The following HECTD2 variants were observed in gnomAD, a reference collection of about 807,000 sequenced individuals.
The protein encoded by HECTD2 is probable E3 ubiquitin-protein ligase HECTD2.
Under a neutral mutation model 103.2 loss-of-function variants are expected in HECTD2, and 35 were observed. The ratio of observed to expected loss-of-function variants is 0.34; its 90% CI spans 0.26 to 0.45. The LOEUF is 0.45. Ranked by LOEUF, HECTD2 falls within the 20% of genes least tolerant of loss-of-function variation. HECTD2 has a pLI of 1.00. For missense variants in HECTD2, 596 were observed against 937.4 expected, an observed-to-expected ratio of 0.64 and a Z score of 4.76; for synonymous variants, 281 against 329.9, an observed-to-expected ratio of 0.85 and a Z score of 1.61.
chr10:91,437,972 A>C (rs1231151339), intron 2 of HECTD2, among the ~76,000 whole-genome samples: 1 of 152,086 alleles, frequency 6.6e-6, no homozygotes, highest in African/African-American at 2.4e-5. Flanking sequence ...ACAATTTATT[A>C]GAGCATAATT....
At chr10:91,422,459 C>G (rs558715123) in intron 1 of HECTD2, among the ~76,000 whole-genome samples, 3 of 152,218 alleles carry the variant, frequency 2.0e-5, no homozygotes, top group African/African-American at 7.2e-5. Context: ...TTATAACTGT[C>G]AAATTTGTGT....
rs1413526987 is a variant in HECTD2 at position 91,461,350 on chromosome 10, A to G, written c.504A>G (p.Ala168=). The G allele has an allele frequency of 2.8e-6, 4 of 1,412,624 alleles. No individual in the cohort carries two copies. Among genetic ancestry groups the G allele is most frequent in the Non-Finnish European group, 2.9e-6 (3 of 1,028,542 alleles). 87.5% of individuals were successfully genotyped at this position (1,412,624 alleles called of 1,614,324 possible). ...ATTCTTTCCCAGAATTAAATGCTGC[A>G]TTTAAGGTAATTATACATAAAACAC... ...TFDSFPELNA[A]FKKDATASFN... The change falls in exon 4 of 21, where the codon GCA becomes GCG. Residue 168 remains alanine (A), a synonymous_variant. Transcript: ENST00000298068.
At chr10:91,429,574 C>T (rs1221366661) in intron 2 of HECTD2, among the ~76,000 whole-genome samples, 2 of 152,160 alleles carry the variant, frequency 1.3e-5, no homozygotes, top group African/African-American at 2.4e-5. Flanking sequence ...TTGGCCTATT[C>T]AGAGATTCAA....
At chr10:91,481,010 A>C in intron 6 of HECTD2, 84 bp from the exon 7 acceptor site, 1 of 813,772 alleles carries the variant, frequency 1.2e-6, no homozygotes, top group African/African-American at 1.8e-5. Flanking sequence ...CTCAGTCTTC[A>C]TAGAAAAGTT....
intron 5 of HECTD2, among the ~76,000 whole-genome samples, chr10:91,471,024 A>G (rs916278203): frequency 8.1e-6 from 1 of 122,932 alleles, no homozygotes; most frequent in Non-Finnish European, 1.5e-5. Context: ...ACACACACAA[A>G]GAAAACCTCA....
chr10:91,424,857 A>G (rs1195226071), intron 1 of HECTD2, among the ~76,000 whole-genome samples: 2 of 152,120 alleles, frequency 1.3e-5, no homozygotes, highest in African/African-American at 4.8e-5. Context: ...CCTTCAGTGA[A>G]TCAGCCTGTA....
chr10:91,423,614 T>C lies in HECTD2; in HGVS notation c.139-1667T>C, dbSNP rs933074145. On this transcript the variant is annotated intron_variant, in intron 1 of 20. Transcript: ENST00000298068. ...CATCTCCATTGCTTGTTAGGTCACTTTAGGTGAGTCTCAGACAGTTCCACT... is the reference window on the plus strand; with the variant it reads ...CATCTCCATTGCTTGTTAGGTCACTCTAGGTGAGTCTCAGACAGTTCCACT... 9.9e-5 allele frequency among the ~76,000 whole-genome samples: 15 copies of C among 152,084 alleles called. 1 individual carries two copies. Among genetic ancestry groups the C allele is most frequent in the Non-Finnish European group, 5.9e-5 (4 of 67,992 alleles).
At chr10:91,426,579 C>A (rs1228202655) in intron 2 of HECTD2, among the ~76,000 whole-genome samples, 1 of 151,736 alleles carries the variant, frequency 6.6e-6, no homozygotes, top group East Asian at 1.9e-4. Flanking sequence ...CACACACACA[C>A]ACACAAGCAC....
chr10:91,459,803 G>A (rs1376473971), intron 2 of HECTD2, among the ~76,000 whole-genome samples: 4 of 151,982 alleles, frequency 2.6e-5, no homozygotes, highest in Non-Finnish European at 4.4e-5. Flanking sequence ...ATTTACATAC[G>A]TTTAAATAAA....
chr10:91,454,046 T>C (rs1844956778), intron 2 of HECTD2, among the ~76,000 whole-genome samples: 1 of 151,038 alleles, frequency 6.6e-6, no homozygotes, highest in South Asian at 2.1e-4. Flanking sequence ...GAAAAACTGG[T>C]AGACCTGAAC....
chr10:91,467,212 A>G (rs1413135989), intron 5 of HECTD2, among the ~76,000 whole-genome samples: 2 of 152,202 alleles, frequency 1.3e-5, no homozygotes, highest in Non-Finnish European at 2.9e-5. Context: ...TCCTGGCAAC[A>G]GGAGATTCCA....
intron 18 of HECTD2, among the ~76,000 whole-genome samples, chr10:91,499,617 T>G (rs1846814744): frequency 6.6e-6 from 1 of 152,200 alleles, no homozygotes. Flanking sequence ...TATGGTGGAC[T>G]CAGTTTGGTC....
At chr10:91,409,988 G>C (rs546568044), upstream of HECTD2, among the ~76,000 whole-genome samples, 21 of 152,284 alleles carry the variant, frequency 1.4e-4, no homozygotes, top group African/African-American at 4.8e-4. Flanking sequence ...TGCAGGGCTC[G>C]ACTTGTCTCC....
At chr10:91,468,873 CTG>C (rs1258837708) in intron 5 of HECTD2, among the ~76,000 whole-genome samples, 1 of 147,022 alleles carries the variant, frequency 6.8e-6, no homozygotes, top group Non-Finnish European at 1.5e-5. Flanking sequence ...GAATTCAAAA[CTG>C]TGGTGAGCTA....
At chr10:91,450,691 C>T (rs7895635) in intron 2 of HECTD2, among the ~76,000 whole-genome samples, 43 of 149,832 alleles carry the variant, frequency 2.9e-4, no homozygotes, top group African/African-American at 1.0e-3. Flanking sequence ...AAAAAAAAAA[C>T]CATCAAAAAG....
rs781552831 is a variant in HECTD2, at chr10:91,484,604, A to G, written c.919A>G (p.Thr307Ala). ...PAKPEEFPPI[T>A]KCSWWIPSAA... ...AAAGCCTGAAGAATTTCCACCTATA[A>G]CAAAGTGTTCCTGGTGGATTCCATC... Residue 307 changes from threonine (T) to alanine (A), a missense_variant, in exon 9 of 21, where the codon ACA (threonine) becomes GCA (alanine). Physicochemically the swap from Thr to Ala is moderately conservative, Grantham distance 58 (BLOSUM62 0). This residue lies in a region of HECTD2 where 303 missense variants were observed against 522.5 expected (regional missense o/e 0.58). Coordinates refer to ENST00000298068, the MANE Select transcript of HECTD2 (RefSeq NM_182765.6). 9.9e-5 allele frequency: 159 copies of G among 1,612,478 alleles called. 3 individuals carry two copies. The South Asian group carries it at 1.7e-3, about 17-fold the overall frequency.
chr10:91,453,120 G>T (rs762424278), intron 2 of HECTD2, among the ~76,000 whole-genome samples: 5 of 152,114 alleles, frequency 3.3e-5, no homozygotes, highest in African/African-American at 4.8e-5. Flanking sequence ...GGTTCTAAAT[G>T]TATGTAAAGG....
In HECTD2 at chr10:91,485,221, A is replaced by C; in HGVS notation, c.1012A>C (p.Thr338Pro). The C allele has an allele frequency of 6.3e-7, 1 of 1,577,518 alleles. No individual in the cohort carries two copies. Among genetic ancestry groups the C allele is most frequent in the Non-Finnish European group, 8.7e-7 (1 of 1,154,962 alleles). ...AGTTCACCCTCCCCTTATTCCTTAT[A>C]CTGATTTCTATAATTCTACATTGGA... ...NLVHPPLIPY[T>P]DFYNSTLDHI... is the part of the protein sequence containing the mutation. Residue 338 changes from threonine to proline, a missense_variant, in exon 10 of 21, where the codon ACT becomes CCT. Around this residue, in one of 4 missense-constraint regions of HECTD2, gnomAD observed 303 missense variants for 522.5 expected, o/e 0.58. Coordinates refer to ENST00000298068, the MANE Select transcript of HECTD2 (RefSeq NM_182765.6).
chr10:91,473,698 TAATA>T (rs1298286571), intron 5 of HECTD2, among the ~76,000 whole-genome samples: 5 of 152,228 alleles, frequency 3.3e-5, no homozygotes, highest in African/African-American at 1.2e-4. Context: ...TGCTTCCACT[TAATA>T]AACAGTAGAT....
Sources: allele counts gnomAD v4.1 joint callset (sites outside exome capture counted in the v4.1 genomes callset), GRCh38; gene constraint gnomAD v4.1.1; regional missense constraint gnomAD v4.1.1; transcripts MANE v1.5; gene names NCBI Gene and HGNC (gene_info 2026-07-23, HGNC 2026-07-21).